ZNF316: variants seen among roughly 807,000 people sequenced by gnomAD.
ZNF316 encodes the protein zinc finger protein 316.
A neutral mutation model predicts 75.6 loss-of-function variants in ZNF316; 23 were observed. That is an observed-to-expected ratio of 0.30 (90% CI 0.22 to 0.43). ZNF316 has a LOEUF of 0.43. Ranked by LOEUF, ZNF316 falls within the 20% of genes least tolerant of loss-of-function variation. The pLI is 1.00. For missense variants in ZNF316, 1,266 were observed against 1,409.4 expected (o/e 0.90, Z 1.63); for synonymous variants, 827 against 666.2 (o/e 1.24, Z -3.72).
At chr7:6,646,178 G>A (rs1583442674) in intron 8 of ZNF316, among the ~76,000 whole-genome samples, 1 of 152,058 alleles carries the variant, frequency 6.6e-6, no homozygotes, top group African/African-American at 2.4e-5. Context: ...TATCATTGAG[G>A]CCTGCCAGTC....
At chr7:6,646,429 G>C (rs1779404458) in intron 8 of ZNF316, among the ~76,000 whole-genome samples, 1 of 152,192 alleles carries the variant, frequency 6.6e-6, no homozygotes, top group Non-Finnish European at 1.5e-5. Flanking sequence ...GTGCCTCCTG[G>C]AGGGTTAGGG....
Position 6,648,849 on chromosome 7 carries a change from A to C in ZNF316, c.707-3454A>C, listed in dbSNP as rs113895324. On this transcript the variant is annotated intron_variant, in intron 8 of 8. Coordinates refer to ENST00000382252, the MANE Select transcript of ZNF316 (RefSeq NM_001278559.2). ...AGGGGAGTAGTGAGCCTTGAGGGAC[A>C]TCTCAGCATTAAGGTTCAAAGGGGA... Among the ~76,000 whole-genome samples, 705 of 152,166 alleles carry C rather than the reference A, an allele frequency of 4.6e-3. 5 individuals are homozygous for C. The highest frequency in any genetic ancestry group is 7.7e-3 in the Non-Finnish European group (520 of 67,932).
At position 6,644,860 on chromosome 7, in the gene ZNF316, G is replaced by A. The variant is rs559872989; in HGVS notation, c.706+267G>A. On this transcript the variant is annotated intron_variant, in intron 8 of 8. Transcript: ENST00000382252. ...CTGTGAATTTCTTTGCATGTGAGGGGCCAGCTGTCAGGTGGTCGGCTGAGC... is the reference window on the plus strand; with the variant it reads ...CTGTGAATTTCTTTGCATGTGAGGGACCAGCTGTCAGGTGGTCGGCTGAGC... Among the ~76,000 whole-genome samples the A allele has an allele frequency of 3.8e-3, 574 of 152,328 alleles. 2 individuals are homozygous for A. Among genetic ancestry groups the A allele is most frequent in the African/African-American group, 0.013 (539 of 41,570 alleles).
Position 6,642,480 on chromosome 7 carries a change from G to A in ZNF316, c.71G>A (p.Cys24Tyr). ...QLERAEDGSE[C>Y]DPDQEEEEEE... is the part of the protein sequence containing the mutation. ...GAGCGGGCAGAGGACGGGTCAGAGT[G>A]CGACCCTGACCAGGAAGAAGAGGAG... is the stretch of plus-strand genomic sequence containing the variant. The change falls in exon 5 of 9, where the codon TGC (cysteine) becomes TAC (tyrosine). Residue 24 changes from cysteine to tyrosine, a missense_variant. Around this residue, in one of 3 missense-constraint regions of ZNF316, gnomAD observed 961 missense variants for 990.9 expected, o/e 0.97. Transcript: ENST00000382252. The surrounding 1 kb of genome is among the most constrained non-coding windows in gnomAD (Gnocchi z 8.1). 1 of 1,233,208 alleles carries A rather than the reference G, an allele frequency of 8.1e-7. No homozygotes were observed. Among genetic ancestry groups the A allele is most frequent in the Middle Eastern group, 3.0e-4 (1 of 3,328 alleles). 76.4% of individuals were successfully genotyped at this position (1,233,208 alleles called of 1,614,324 possible). A position where few individuals can be genotyped will look rare whatever the true frequency, so the allele number is the denominator to read the frequency against.
intron 8 of ZNF316, among the ~76,000 whole-genome samples, chr7:6,649,370 C>T (rs2115316338): frequency 6.6e-6 from 1 of 152,328 alleles, no homozygotes; most frequent in East Asian, 1.9e-4. Flanking sequence ...CGCATGGTTC[C>T]TGCCCCAGTG....
chr7:6,642,029 G>T lies in ZNF316; in HGVS notation c.-29+67G>T, dbSNP rs115798817. On this transcript the variant is annotated intron_variant, in intron 4 of 8. Coordinates refer to ENST00000382252, the MANE Select transcript of ZNF316 (RefSeq NM_001278559.2). The surrounding 1 kb of genome is among the most constrained non-coding windows in gnomAD (Gnocchi z 8.1). Reference sequence around the variant, plus strand: ...TCTGGCTAAACATGGGCCACCCTCGGGCTGTGTGATGCTTCCTTGTGGATA... The same window carrying T: ...TCTGGCTAAACATGGGCCACCCTCGTGCTGTGTGATGCTTCCTTGTGGATA... 5.6e-6 allele frequency: 1 copy of T among 177,122 alleles called. No homozygotes were observed. Among genetic ancestry groups the T allele is most frequent in the Non-Finnish European group, 1.2e-5 (1 of 85,164 alleles). The allele number at this position is 177,122 out of a possible 1,614,324, so 11.0% of individuals were successfully genotyped here.
intron 8 of ZNF316, among the ~76,000 whole-genome samples, chr7:6,647,876 G>T (rs1259282006): frequency 6.6e-6 from 1 of 152,184 alleles, no homozygotes; most frequent in Non-Finnish European, 1.5e-5. Flanking sequence ...CAGGCATGTG[G>T]CTGTGGGGCC....
Position 6,657,025 on chromosome 7 carries a change from T to G in ZNF316, c.*2414T>G, listed in dbSNP as rs763600322. On this transcript the variant is annotated 3_prime_UTR_variant, in exon 9 of 9. Coordinates refer to ENST00000382252, the MANE Select transcript of ZNF316 (RefSeq NM_001278559.2). ...CATCAGAACAGAGCAATCTAATGCT[T>G]CTTTTCTTGCCCAGGCTGGAGTGCA... 1.1e-3 allele frequency among the ~76,000 whole-genome samples: 163 copies of G among 152,196 alleles called. No homozygotes were observed. The highest frequency in any genetic ancestry group is 1.6e-3 in the Non-Finnish European group (110 of 67,992).
rs1779233946 is a variant in ZNF316 at position 6,637,423 on chromosome 7, T to G, written c.-455T>G. On this transcript the variant is annotated 5_prime_UTR_variant, in exon 1 of 9. Transcript: ENST00000382252. The surrounding 1 kb of genome is among the most constrained non-coding windows in gnomAD (Gnocchi z 6.2). ...GGCCCCGGCCCCGGTGTCCGGCCCG[T>G]GGCTCGGCCAGCCCGGCCCGCGCGG... 1.4e-5 allele frequency: 2 copies of G among 144,482 alleles called. No individual in the cohort carries two copies. Among genetic ancestry groups the G allele is most frequent in the East Asian group, 2.1e-4 (1 of 4,692 alleles). The allele number at this position is 144,482 out of a possible 1,614,324, so 9.0% of individuals were successfully genotyped here.
Position 6,654,218 on chromosome 7 carries a change from G to T in ZNF316, c.2622G>T (p.Leu874=). 8.2e-7 allele frequency: 1 copy of T among 1,223,698 alleles called. No individual in the cohort carries two copies. The highest frequency in any genetic ancestry group is 3.3e-5 in the East Asian group (1 of 30,496). 75.8% of individuals were successfully genotyped at this position (1,223,698 alleles called of 1,614,324 possible). A position where few individuals can be genotyped will look rare whatever the true frequency, so the allele number is the denominator to read the frequency against. The change falls in exon 9 of 9, where the codon CTG becomes CTT. Residue 874 remains leucine, a synonymous_variant. Transcript: ENST00000382252. The stretch of plus-strand genomic sequence containing the variant: ...GCGGCTTCGCGCAGCGCTCCAACCT[G>T]GCCAAGCACCGGCGCGGCCACACGG... ...CGRGFAQRSN[L]AKHRRGHTGE... is the part of the protein sequence containing the mutation.
rs559948576 is a variant in ZNF316 at position 6,639,970 on chromosome 7, G to T, written c.-167+829G>T. Among the ~76,000 whole-genome samples, 35 of 152,296 alleles carry T rather than the reference G, an allele frequency of 2.3e-4. No homozygotes were observed. Among genetic ancestry groups the T allele is most frequent in the Admixed American group, 1.9e-3 (29 of 15,288 alleles). Reference sequence around the variant, plus strand: ...GGAGGTTGGGGTGGCGCTCCCAGGCGTAGTTCTGTGACTTGAGTCTTTGGG... The same window carrying T: ...GGAGGTTGGGGTGGCGCTCCCAGGCTTAGTTCTGTGACTTGAGTCTTTGGG... On this transcript the variant is annotated intron_variant, in intron 3 of 8. Transcript: ENST00000382252. The surrounding 1 kb of genome is among the most constrained non-coding windows in gnomAD (Gnocchi z 4.2).
In ZNF316 at chr7:6,653,662, G is replaced by A. The variant is rs1444165377; in HGVS notation, c.2066G>A (p.Ser689Asn). ...CCGGCCGCGCTGGCGGAGGAGGAGAGCCCGTGGATCTGCTCGGACTGCGGC... is the reference window on the plus strand; with the variant it reads ...CCGGCCGCGCTGGCGGAGGAGGAGAACCCGTGGATCTGCTCGGACTGCGGC... The part of the protein sequence containing the change: ...PAPAALAEEE[S>N]PWICSDCGKT... The change falls in exon 9 of 9, where the codon AGC becomes AAC. Residue 689 changes from serine to asparagine, a missense_variant. Coordinates refer to ENST00000382252, the MANE Select transcript of ZNF316 (RefSeq NM_001278559.2). 4 of 1,075,228 alleles carry A rather than the reference G, an allele frequency of 3.7e-6. No homozygotes were observed. The highest frequency in any genetic ancestry group is 4.5e-6 in the Non-Finnish European group (4 of 886,284). 66.6% of individuals were successfully genotyped at this position (1,075,228 alleles called of 1,614,324 possible).
intron 8 of ZNF316, among the ~76,000 whole-genome samples, chr7:6,647,904 C>T (rs1031106453): frequency 1.2e-4 from 18 of 152,176 alleles, no homozygotes; most frequent in Non-Finnish European, 2.1e-4. Context: ...TCCCCACAGC[C>T]GCTGTGATTA....
intron 6 of ZNF316, 135 bp from the exon 7 acceptor site, chr7:6,643,687 G>A: frequency 1.3e-6 from 1 of 775,264 alleles, no homozygotes; most frequent in Non-Finnish European, 1.7e-6. Flanking sequence ...CTGTGGCAAG[G>A]CCTGAAAGCC....
rs1246601896 is a variant in ZNF316, at chr7:6,637,383, C to T, written c.-495C>T. On this transcript the variant is annotated 5_prime_UTR_variant, in exon 1 of 9. Transcript: ENST00000382252. The surrounding 1 kb of genome is among the most constrained non-coding windows in gnomAD (Gnocchi z 6.2). ...CCGTCACTTTGTGTAGCGCGGGGTC[C>T]GCCGCCGGCCCGCAGGCCCCGGCCC... is the stretch of plus-strand genomic sequence containing the variant. 6.8e-6 allele frequency: 1 copy of T among 147,630 alleles called. No individual in the cohort carries two copies. Among genetic ancestry groups the T allele is most frequent in the Non-Finnish European group, 1.5e-5 (1 of 66,304 alleles). 9.1% of individuals were successfully genotyped at this position (147,630 alleles called of 1,614,324 possible). A position where few individuals can be genotyped will look rare whatever the true frequency, so the allele number is the denominator to read the frequency against.
Position 6,643,866 on chromosome 7 carries a change from G to T in ZNF316, c.510G>T (p.Glu170Asp), listed in dbSNP as rs1384997070. 10 of 1,238,808 alleles carry T rather than the reference G, an allele frequency of 8.1e-6. No homozygotes were observed. 76.7% of individuals were successfully genotyped at this position (1,238,808 alleles called of 1,614,324 possible). The change falls in exon 7 of 9, where the codon GAG (glutamate) becomes GAT (aspartate). Residue 170 changes from glutamate (E) to aspartate (D), a missense_variant. By Grantham distance (45) the Glu-to-Asp change is conservative. This residue lies in a region of ZNF316 where 961 missense variants were observed against 990.9 expected (regional missense o/e 0.97). Coordinates refer to ENST00000382252, the MANE Select transcript of ZNF316 (RefSeq NM_001278559.2). ...FEDVAVYFSLEEWERLEADQR... is the reference protein window; with the variant it reads ...FEDVAVYFSLDEWERLEADQR... ...ATGTGGCTGTGTACTTCTCCCTGGA[G>T]GAGTGGGAAAGGCTGGAAGCAGACC...
In ZNF316 at chr7:6,653,953, G is replaced by C. The variant is rs948789463; in HGVS notation, c.2357G>C (p.Arg786Pro). ...VCGVCGAGFS[R>P]RAHLTAHGRA... ...GGCGTGTGCGGTGCGGGGTTCAGCC[G>C]TCGCGCGCACTTGACGGCGCACGGG... is the stretch of plus-strand genomic sequence containing the variant. The change falls in exon 9 of 9, where the codon CGT becomes CCT. Residue 786 changes from arginine to proline, a missense_variant. Coordinates refer to ENST00000382252, the MANE Select transcript of ZNF316 (RefSeq NM_001278559.2). The C allele has an allele frequency of 8.6e-7, 1 of 1,156,504 alleles. No individual in the cohort carries two copies. Among genetic ancestry groups the C allele is most frequent in the African/African-American group, 1.7e-5 (1 of 60,576 alleles). 71.6% of individuals were successfully genotyped at this position (1,156,504 alleles called of 1,614,324 possible).
At position 6,654,485 on chromosome 7, in the gene ZNF316, G is replaced by A. The variant is rs1282107098; in HGVS notation, c.2889G>A (p.Pro963=). 13 of 1,183,850 alleles carry A rather than the reference G, an allele frequency of 1.1e-5. No individual in the cohort carries two copies. The highest frequency in any genetic ancestry group is 4.2e-5 in the South Asian group (1 of 23,986). 73.3% of individuals were successfully genotyped at this position (1,183,850 alleles called of 1,614,324 possible). The change falls in exon 9 of 9, where the codon CCG becomes CCA. Residue 963 remains proline, a synonymous_variant. Coordinates refer to ENST00000382252, the MANE Select transcript of ZNF316 (RefSeq NM_001278559.2). ...APKPEAAAKG[P]SSAGPGERGS... is the part of the protein sequence containing the mutation. ...AGCCCGAGGCGGCCGCCAAGGGGCC[G>A]TCCAGTGCCGGCCCCGGTGAGCGCG...
rs1323490301 is a variant in ZNF316 at position 6,652,884 on chromosome 7, C to A, written c.1288C>A (p.Arg430Ser). Residue 430 changes from arginine to serine, a missense_variant, in exon 9 of 9, where the codon CGC becomes AGC. Around this residue, in one of 3 missense-constraint regions of ZNF316, gnomAD observed 961 missense variants for 990.9 expected, o/e 0.97. Coordinates refer to ENST00000382252, the MANE Select transcript of ZNF316 (RefSeq NM_001278559.2). ...CATCCATACTGGCGAGCGGCCCTAC[C>A]GCTGCGCCTTCTGCGGCGCGGGCTT... ...RRIHTGERPY[R>S]CAFCGAGFGR... is the part of the protein sequence containing the mutation. 1.6e-6 allele frequency: 2 copies of A among 1,240,934 alleles called. No individual in the cohort carries two copies. The highest frequency in any genetic ancestry group is 3.1e-5 in the East Asian group (1 of 31,800). The allele number at this position is 1,240,934 out of a possible 1,614,324, so 76.9% of individuals were successfully genotyped here.
Sources: gnomAD v4.1 joint callset for allele counts (sites outside exome capture counted in the v4.1 genomes callset) on GRCh38, gnomAD v4.1.1 for gene constraint, gnomAD v4.1.1 regional missense constraint, Gnocchi (gnomAD v3.1) non-coding constraint, MANE v1.5 for transcripts, NCBI Gene and HGNC (gene_info 2026-07-23, HGNC 2026-07-21) for gene names.